The following ZBTB20 variants were observed in gnomAD, a reference collection of about 807,000 sequenced individuals.
The protein encoded by ZBTB20 is zinc finger and BTB domain-containing protein 20.
A neutral mutation model predicts 56.9 loss-of-function variants in ZBTB20; 9 were observed. The ratio of observed to expected loss-of-function variants is 0.16; its 90% CI spans 0.10 to 0.28. The LOEUF (loss-of-function observed/expected upper bound fraction) is 0.28, where lower values mean the gene tolerates loss of function less well. ZBTB20 is among the 10% of genes least tolerant of loss of function. The pLI, the probability that ZBTB20 is intolerant of heterozygous loss-of-function variation, is 1.00. For missense variants in ZBTB20, 655 were observed against 1,003.0 expected, an observed-to-expected ratio of 0.65 and a Z score of 4.69; for synonymous variants, 417 against 420.7, an observed-to-expected ratio of 0.99 and a Z score of 0.11.
At chr3:115,127,418 T>C (rs141445033) in intron 1 of ZBTB20, among the ~76,000 whole-genome samples, 3 of 152,118 alleles carry the variant, frequency 2.0e-5, no homozygotes, top group Non-Finnish European at 2.9e-5. Context: ...GACGAAACCA[T>C]GTCTGTACTA....
intron 6 of ZBTB20, among the ~76,000 whole-genome samples, chr3:114,607,619 T>C (rs555963423): frequency 2.7e-4 from 41 of 152,238 alleles, no homozygotes; most frequent in Non-Finnish European, 4.4e-4. Flanking sequence ...TCTTACTCTT[T>C]TAATAAATCA....
intron 7 of ZBTB20, among the ~76,000 whole-genome samples, chr3:114,486,904 C>A (rs770432771): frequency 6.6e-6 from 1 of 152,002 alleles, no homozygotes; most frequent in Non-Finnish European, 1.5e-5. Flanking sequence ...GTTCTCAATA[C>A]CCACACATTA....
intron 3 of ZBTB20, among the ~76,000 whole-genome samples, chr3:114,967,933 G>T: frequency 6.6e-6 from 1 of 150,614 alleles, no homozygotes; most frequent in East Asian, 1.9e-4. Context: ...CTCCAACCTA[G>T]GTGACACAGC....
intron 6 of ZBTB20, among the ~76,000 whole-genome samples, chr3:114,676,253 T>A (rs1039338106): frequency 6.6e-6 from 1 of 152,208 alleles, no homozygotes; most frequent in Non-Finnish European, 1.5e-5. Context: ...ACACAGTAGT[T>A]AAAAACTTAG....
At chr3:115,117,033 A>C (rs978411216) in intron 1 of ZBTB20, among the ~76,000 whole-genome samples, 7 of 152,142 alleles carry the variant, frequency 4.6e-5, no homozygotes, top group Non-Finnish European at 8.8e-5. Flanking sequence ...AATTAACTGC[A>C]CAACCATTGC....
chr3:114,376,923 GA>G (rs1484130441), intron 10 of ZBTB20, among the ~76,000 whole-genome samples: 1 of 152,128 alleles, frequency 6.6e-6, no homozygotes, highest in Non-Finnish European at 1.5e-5. Context: ...TTATTTGGGG[GA>G]AAACAAAATG....
At chr3:115,000,678 C>A (rs181352603) in intron 2 of ZBTB20, among the ~76,000 whole-genome samples, 1 of 151,496 alleles carries the variant, frequency 6.6e-6, no homozygotes, top group Non-Finnish European at 1.5e-5. Context: ...ACCTTATGTG[C>A]GACTCATAAA....
chr3:114,958,893 T>C (rs934817912), intron 3 of ZBTB20, among the ~76,000 whole-genome samples: 3 of 151,806 alleles, frequency 2.0e-5, no homozygotes, highest in African/African-American at 7.2e-5. Context: ...ATAATAGGCA[T>C]TTTGAAGACT....
At chr3:115,021,631 T>C (rs951868340) in intron 2 of ZBTB20, among the ~76,000 whole-genome samples, 1 of 150,830 alleles carries the variant, frequency 6.6e-6, no homozygotes, top group African/African-American at 2.4e-5. Flanking sequence ...CATATTTGCA[T>C]GTGTTATGCT....
chr3:114,815,755 G>A (rs1199364931), intron 4 of ZBTB20, among the ~76,000 whole-genome samples: 3 of 151,720 alleles, frequency 2.0e-5, no homozygotes, highest in South Asian at 2.1e-4. Context: ...ACACACGACC[G>A]GCTACTACAT....
At chr3:114,973,193 C>T (rs1005855454) in intron 3 of ZBTB20, among the ~76,000 whole-genome samples, 1 of 152,062 alleles carries the variant, frequency 6.6e-6, no homozygotes, top group Non-Finnish European at 1.5e-5. Flanking sequence ...TACTTCTGTA[C>T]CTTAAAATAT....
intron 2 of ZBTB20, among the ~76,000 whole-genome samples, chr3:115,010,612 G>A (rs1404975041): frequency 6.6e-6 from 1 of 151,892 alleles, no homozygotes; most frequent in Non-Finnish European, 1.5e-5. Flanking sequence ...CCCTAAAGTA[G>A]ATATTTCTTA....
intron 3 of ZBTB20, among the ~76,000 whole-genome samples, chr3:114,949,284 G>A (rs2076984000): frequency 6.8e-6 from 1 of 146,090 alleles, no homozygotes; most frequent in South Asian, 2.1e-4. Flanking sequence ...CAGGTAAAAT[G>A]CAGACCTACA....
chr3:114,451,980 G>C (rs1576824192), intron 7 of ZBTB20, among the ~76,000 whole-genome samples: 1 of 152,002 alleles, frequency 6.6e-6, no homozygotes, highest in Non-Finnish European at 1.5e-5. Context: ...AGAAGAGCTA[G>C]TGCAGCTTTC....
At position 114,350,477 on chromosome 3, in the gene ZBTB20, C is replaced by T. The variant is rs1377440362; in HGVS notation, c.1601G>A (p.Gly534Asp). The T allele has an allele frequency of 1.9e-6, 3 of 1,613,786 alleles. No individual in the cohort carries two copies. Among genetic ancestry groups the T allele is most frequent in the Non-Finnish European group, 2.5e-6 (3 of 1,179,976 alleles). Reference sequence around the variant, plus strand: ...CACTGTCACAAACTGGGTCTGCTGGCCTGCCAGGGGCTGTGGCAGGCTGAA... The same window carrying T: ...CACTGTCACAAACTGGGTCTGCTGGTCTGCCAGGGGCTGTGGCAGGCTGAA... ...FLFSLPQPLA[G>D]QQTQFVTVSQ... Residue 534 changes from glycine to aspartate, a missense_variant, in exon 11 of 12, where the codon GGC (glycine) becomes GAC (aspartate). Physicochemically the swap from Gly to Asp is moderately conservative, Grantham distance 94. Around this residue, in one of 10 missense-constraint regions of ZBTB20, gnomAD observed 71 missense variants for 89.4 expected, o/e 0.79. Transcript: ENST00000675478.
chr3:114,415,813 C>T (rs2088488153), intron 7 of ZBTB20, among the ~76,000 whole-genome samples: 2 of 151,956 alleles, frequency 1.3e-5, no homozygotes, highest in African/African-American at 4.8e-5. Flanking sequence ...GTGGTATCAC[C>T]ATATAGTAGT....
chr3:114,388,002 C>T (rs2085368649), intron 8 of ZBTB20: 1 of 152,176 alleles, frequency 6.6e-6, no homozygotes, highest in Non-Finnish European at 1.5e-5. Flanking sequence ...TGGCTTCATC[C>T]CTTTAGGTTT....
At chr3:115,050,178 T>C in intron 2 of ZBTB20, among the ~76,000 whole-genome samples, 1 of 152,040 alleles carries the variant, frequency 6.6e-6, no homozygotes, top group Non-Finnish European at 1.5e-5. Flanking sequence ...AATGATGTGG[T>C]TCGGAAAACA....
intron 4 of ZBTB20, among the ~76,000 whole-genome samples, chr3:114,828,155 A>G (rs537068856): frequency 1.1e-4 from 16 of 151,864 alleles, no homozygotes; most frequent in African/African-American, 3.1e-4. Context: ...ATCTGTAGAG[A>G]AAGTCTGATT....
Sources: gnomAD v4.1 joint callset for allele counts (sites outside exome capture counted in the v4.1 genomes callset) on GRCh38, gnomAD v4.1.1 for gene constraint, gnomAD v4.1.1 regional missense constraint, MANE v1.5 for transcripts, NCBI Gene and HGNC (gene_info 2026-07-23, HGNC 2026-07-21) for gene names.